Variants in KSR2 observed in about 807,000 individuals in gnomAD.
KSR2 encodes kinase suppressor of ras 2.
In KSR2, 25 loss-of-function variants were observed where a neutral mutation model predicts 107.8. The observed-to-expected ratio is 0.23, with a 90% CI of 0.17 to 0.32. The LOEUF (loss-of-function observed/expected upper bound fraction) is 0.32, where lower values mean the gene tolerates loss of function less well. Among genes scored for constraint, KSR2 ranks in the 10% least tolerant of loss-of-function variants. The pLI, the probability that KSR2 is intolerant of heterozygous loss-of-function variation, is 1.00. For missense variants in KSR2, 887 were observed against 1,268.9 expected, an observed-to-expected ratio of 0.70 and a Z score of 4.57; for synonymous variants, 480 against 507.0, an observed-to-expected ratio of 0.95 and a Z score of 0.71.
At chr12:117,901,201 GATAA>G (rs1216226193) in intron 1 of KSR2, among the ~76,000 whole-genome samples, 2 of 151,888 alleles carry the variant, frequency 1.3e-5, no homozygotes, top group Non-Finnish European at 2.9e-5. Context: ...GCAGGAATAT[GATAA>G]ATAAACAATA....
chr12:117,612,743 C>T (rs188195083), intron 5 of KSR2, among the ~76,000 whole-genome samples: 20 of 152,326 alleles, frequency 1.3e-4, no homozygotes, highest in African/African-American at 4.3e-4. Context: ...TCTGTGTCCC[C>T]ACCCAAATCT....
At chr12:117,811,829 G>A (rs1891199460) in intron 3 of KSR2, among the ~76,000 whole-genome samples, 1 of 152,224 alleles carries the variant, frequency 6.6e-6, no homozygotes, top group Non-Finnish European at 1.5e-5. Flanking sequence ...GCTCTACTTA[G>A]AGTCACCTGC....
intron 5 of KSR2, among the ~76,000 whole-genome samples, chr12:117,611,621 T>C (rs1470348439): frequency 6.6e-6 from 1 of 152,134 alleles, no homozygotes; most frequent in Admixed American, 6.5e-5. Context: ...AGATTCATGA[T>C]TGGCCAAGAA....
At chr12:117,846,495 G>C (rs1359820382) in intron 3 of KSR2, among the ~76,000 whole-genome samples, 1 of 151,770 alleles carries the variant, frequency 6.6e-6, no homozygotes, top group Non-Finnish European at 1.5e-5. Context: ...TACAGATGGG[G>C]TCTTGCTATG....
chr12:117,641,653 G>T (rs924480938), intron 5 of KSR2, among the ~76,000 whole-genome samples: 1 of 152,110 alleles, frequency 6.6e-6, no homozygotes. Flanking sequence ...CAAGGACCCC[G>T]TTTCCAAATA....
intron 1 of KSR2, among the ~76,000 whole-genome samples, chr12:117,927,328 G>A (rs868115930): frequency 6.6e-6 from 1 of 151,764 alleles, no homozygotes; most frequent in South Asian, 2.1e-4. Flanking sequence ...GTGTGCTGAG[G>A]TCATGCCACT....
chr12:117,959,126 TATTA>T (rs1323142197), intron 1 of KSR2, among the ~76,000 whole-genome samples: 1 of 152,228 alleles, frequency 6.6e-6, no homozygotes, highest in Non-Finnish European at 1.5e-5. Flanking sequence ...ATCTATTATG[TATTA>T]ATTAAACAAT....
At chr12:117,586,158 C>G (rs1305537363) in intron 5 of KSR2, among the ~76,000 whole-genome samples, 2 of 152,108 alleles carry the variant, frequency 1.3e-5, no homozygotes, top group Non-Finnish European at 2.9e-5. Flanking sequence ...AGGCTCTGAC[C>G]TGGTGAATTT....
At chr12:117,505,761 T>C (rs1281331815) in intron 14 of KSR2, among the ~76,000 whole-genome samples, 2 of 152,234 alleles carry the variant, frequency 1.3e-5, no homozygotes, top group East Asian at 3.8e-4. Flanking sequence ...GTTTTGCAAA[T>C]GTGACCTCTT....
intron 3 of KSR2, among the ~76,000 whole-genome samples, chr12:117,814,690 G>C (rs1359336650): frequency 2.0e-5 from 3 of 152,164 alleles, no homozygotes; most frequent in Admixed American, 6.5e-5. Flanking sequence ...GAGGCGTCTA[G>C]GGGCATGAAG....
chr12:117,720,229 A>G (rs774194304), intron 4 of KSR2, among the ~76,000 whole-genome samples: 33 of 152,314 alleles, frequency 2.2e-4, no homozygotes, highest in Non-Finnish European at 1.6e-4. Flanking sequence ...ATTACAGGGA[A>G]GCAGGCCTGT....
In KSR2 at chr12:117,968,127, G is replaced by A; in HGVS notation, c.129C>T (p.Thr43=). The part of the protein sequence containing the change: ...LSISNLEGLR[T]KCATSNDLTQ... ...TGAGGTCGTTGGAGGTAGCACATTT[G>A]GTCCTAAGCCCTTCCAGGTTGGAGA... The change falls in exon 1 of 20, where the codon ACC becomes ACT. Residue 43 remains threonine (T), a synonymous_variant. Coordinates refer to ENST00000339824, the MANE Select transcript of KSR2 (RefSeq NM_173598.6). The A allele has an allele frequency of 1.3e-6, 2 of 1,581,696 alleles. No individual in the cohort carries two copies. The highest frequency in any genetic ancestry group is 1.7e-6 in the Non-Finnish European group (2 of 1,162,906).
At chr12:117,678,197 C>G (rs905003020) in intron 4 of KSR2, among the ~76,000 whole-genome samples, 4 of 151,528 alleles carry the variant, frequency 2.6e-5, no homozygotes, top group African/African-American at 9.7e-5. Context: ...GTGATCCACC[C>G]ACCTCACACG....
In KSR2 at chr12:117,968,016, G is replaced by C. The variant is rs1014283074; in HGVS notation, c.180+60C>G. ...GGGGACCGTGGGGAGAAAGGAGGGG[G>C]AAAGAAGGATTGCTTTTTTTTTTTT... On this transcript the variant is annotated intron_variant, in intron 1 of 19. Coordinates refer to ENST00000339824, the MANE Select transcript of KSR2 (RefSeq NM_173598.6). The C allele has an allele frequency of 3.6e-6, 5 of 1,408,372 alleles. No homozygotes were observed. The Admixed American group carries it at 8.0e-5, about 23-fold the overall frequency. The allele number at this position is 1,408,372 out of a possible 1,614,324, so 87.2% of individuals were successfully genotyped here.
At chr12:117,845,861 T>A (rs576813121) in intron 3 of KSR2, among the ~76,000 whole-genome samples, 30 of 151,882 alleles carry the variant, frequency 2.0e-4, no homozygotes, top group South Asian at 8.4e-4. Flanking sequence ...GTATTTATTT[T>A]TTTTTTTCAG....
chr12:117,474,293 A>G (rs766071445), intron 17 of KSR2, among the ~76,000 whole-genome samples: 27 of 152,150 alleles, frequency 1.8e-4, no homozygotes, highest in Non-Finnish European at 2.9e-4. Context: ...TAATTATTGC[A>G]ATTTGGTTTC....
At chr12:117,811,302 ACTATCT>A (rs1264852225) in intron 3 of KSR2, among the ~76,000 whole-genome samples, 1 of 152,182 alleles carries the variant, frequency 6.6e-6, no homozygotes. Context: ...GTTTCAGGAA[ACTATCT>A]CTAGTTCCTT....
At chr12:117,645,254 C>T (rs1224020689) in intron 5 of KSR2, among the ~76,000 whole-genome samples, 1 of 152,184 alleles carries the variant, frequency 6.6e-6, no homozygotes, top group Non-Finnish European at 1.5e-5. Flanking sequence ...TGACACTGAG[C>T]TCCTGGATCC....
intron 1 of KSR2, among the ~76,000 whole-genome samples, chr12:117,895,304 G>C (rs934315417): frequency 2.0e-5 from 3 of 152,082 alleles, no homozygotes; most frequent in Non-Finnish European, 4.4e-5. Flanking sequence ...CCCAAGGGGA[G>C]TGCCTCACTG....
Sources: allele counts gnomAD v4.1 joint callset (sites outside exome capture counted in the v4.1 genomes callset), GRCh38; gene constraint gnomAD v4.1.1; transcripts MANE v1.5; gene names NCBI Gene and HGNC (gene_info 2026-07-23, HGNC 2026-07-21).